The following ZFAT variants were observed in gnomAD, a reference collection of about 807,000 sequenced individuals.
ZFAT encodes the protein zinc finger and AT-hook domain containing.
Under a neutral mutation model 117.7 loss-of-function variants are expected in ZFAT, and 64 were observed. That is an observed-to-expected ratio of 0.54 (90% confidence interval 0.44 to 0.67). The LOEUF is 0.67. ZFAT is among the 30% of genes least tolerant of loss of function. The probability of loss-of-function intolerance (pLI) is 0.00; values close to 1 mark genes in which losing one functional copy is unlikely to be tolerated. For synonymous variants in ZFAT, 679 were observed against 615.0 expected (o/e 1.10, Z -1.54); for missense variants, 1,433 against 1,584.5 (o/e 0.90, Z 1.62).
At chr8:134,569,074 T>A (rs1172201036) in intron 10 of ZFAT, among the ~76,000 whole-genome samples, 2 of 152,132 alleles carry the variant, frequency 1.3e-5, no homozygotes, top group East Asian at 3.9e-4. Context: ...TAAAAAGTAA[T>A]GCCTTTTCCC....
chr8:134,796,582 A>T, the ZFAT span: 1 of 152,184 alleles, frequency 6.6e-6, no homozygotes, highest in South Asian at 2.1e-4. Context: ...AAGCACCAGG[A>T]ATAAGAAAGG....
chr8:134,710,039 A>G (rs191120682), intron 1 of ZFAT, among the ~76,000 whole-genome samples: 24 of 152,346 alleles, frequency 1.6e-4, no homozygotes, highest in Non-Finnish European at 3.2e-4. Flanking sequence ...TTAAAATATG[A>G]TCTTTTCTCA....
intron 3 of ZFAT, among the ~76,000 whole-genome samples, chr8:134,632,424 A>G (rs2131076132): frequency 6.6e-6 from 1 of 152,384 alleles, no homozygotes; most frequent in African/African-American, 2.4e-5. Flanking sequence ...ATACTTGAAA[A>G]TAACTGTTGA....
the ZFAT span, among the ~76,000 whole-genome samples, chr8:134,780,392 C>T: frequency 6.6e-6 from 1 of 152,294 alleles, no homozygotes; most frequent in East Asian, 1.9e-4. Flanking sequence ...TTTTCCTATA[C>T]CTACCAAATT....
intron 13 of ZFAT, among the ~76,000 whole-genome samples, chr8:134,516,310 T>C (rs1201356694): frequency 2.0e-5 from 3 of 152,236 alleles, no homozygotes; most frequent in Admixed American, 6.5e-5. Context: ...ATGGGTTATA[T>C]TGGGCAGTTC....
chr8:134,689,777 A>G (rs1833507567), intron 1 of ZFAT, among the ~76,000 whole-genome samples: 1 of 152,176 alleles, frequency 6.6e-6, no homozygotes, highest in Admixed American at 6.5e-5. Context: ...GAGGACACGG[A>G]CAGATGCGTG....
chr8:134,809,260 C>A, the ZFAT span, among the ~76,000 whole-genome samples: 2 of 152,172 alleles, frequency 1.3e-5, no homozygotes, highest in African/African-American at 4.8e-5. Flanking sequence ...CCACCACAGA[C>A]CTACTCCATC....
chr8:134,818,708 A>G, the ZFAT span, among the ~76,000 whole-genome samples: 2 of 152,350 alleles, frequency 1.3e-5, no homozygotes, highest in East Asian at 3.9e-4. Context: ...AGATTATCAA[A>G]AGGTGAATGG....
chr8:134,562,131 G>A (rs1364804152), intron 11 of ZFAT, among the ~76,000 whole-genome samples: 1 of 152,204 alleles, frequency 6.6e-6, no homozygotes, highest in Non-Finnish European at 1.5e-5. Context: ...AGGAGACATG[G>A]TGAGAGATGC....
the ZFAT span, among the ~76,000 whole-genome samples, chr8:134,828,933 G>C: frequency 6.6e-6 from 1 of 152,204 alleles, no homozygotes; most frequent in African/African-American, 2.4e-5. Context: ...CAAGGTAACG[G>C]TTTTTACTGC....
At chr8:134,677,925 C>T (rs1014040968) in intron 1 of ZFAT, among the ~76,000 whole-genome samples, 14 of 152,152 alleles carry the variant, frequency 9.2e-5, no homozygotes, top group Admixed American at 7.2e-4. Flanking sequence ...TCTCAATAAA[C>T]TAGGTATTGA....
chr8:134,539,603 C>T (rs1160422946), intron 11 of ZFAT, among the ~76,000 whole-genome samples: 1 of 152,170 alleles, frequency 6.6e-6, no homozygotes, highest in Non-Finnish European at 1.5e-5. Flanking sequence ...CAGAGATAGA[C>T]ATACAGAAGG....
the ZFAT span, among the ~76,000 whole-genome samples, chr8:134,811,475 T>G: frequency 5.3e-5 from 8 of 152,214 alleles, no homozygotes; most frequent in African/African-American, 1.9e-4. Context: ...AATACCATTA[T>G]TCCCAGGTCA....
the ZFAT span, among the ~76,000 whole-genome samples, chr8:134,827,994 C>T: frequency 6.6e-6 from 1 of 152,088 alleles, no homozygotes. Flanking sequence ...TATCTTGGCA[C>T]AAATATTTGT....
the ZFAT span, among the ~76,000 whole-genome samples, chr8:134,811,998 G>A: frequency 5.3e-5 from 8 of 152,008 alleles, no homozygotes; most frequent in South Asian, 6.2e-4. Flanking sequence ...ACAAAAATTA[G>A]CTGGGCATCA....
At chr8:134,667,299 T>G (rs563646155) in intron 1 of ZFAT, among the ~76,000 whole-genome samples, 28 of 152,192 alleles carry the variant, frequency 1.8e-4, no homozygotes, top group South Asian at 1.7e-3. Flanking sequence ...CAGACCACCC[T>G]GGCTAACACA....
the ZFAT span, among the ~76,000 whole-genome samples, chr8:134,823,861 T>C: frequency 3.9e-5 from 6 of 152,252 alleles, no homozygotes; most frequent in African/African-American, 1.4e-4. Context: ...TACTTCATGA[T>C]AAGTGCAAAT....
chr8:134,809,997 G>A, the ZFAT span, among the ~76,000 whole-genome samples: 1 of 152,172 alleles, frequency 6.6e-6, no homozygotes, highest in Non-Finnish European at 1.5e-5. Flanking sequence ...GAGAATCTGA[G>A]TGGGTATGTA....
chr8:134,684,866 G>C (rs1276444525), intron 1 of ZFAT, among the ~76,000 whole-genome samples: 1 of 152,150 alleles, frequency 6.6e-6, no homozygotes, highest in Non-Finnish European at 1.5e-5. Context: ...GGTGCGAGGA[G>C]TGCCCAGGTG....
Sources: allele counts gnomAD v4.1 joint callset (sites outside exome capture counted in the v4.1 genomes callset), GRCh38; gene constraint gnomAD v4.1.1; transcripts MANE v1.5; gene names NCBI Gene and HGNC (gene_info 2026-07-23, HGNC 2026-07-21).